Variants in LRRK2 observed in about 807,000 individuals in gnomAD.
LRRK2 encodes leucine-rich repeat serine/threonine-protein kinase 2.
A neutral mutation model predicts 302.6 loss-of-function variants in LRRK2; 203 were observed. The observed-to-expected ratio is 0.67, with a 90% CI of 0.60 to 0.75. The LOEUF is 0.75. Among genes scored for constraint, LRRK2 ranks in the 30% least tolerant of loss-of-function variants. The probability of loss-of-function intolerance (pLI) is 0.00; values close to 1 mark genes in which losing one functional copy is unlikely to be tolerated. For missense variants in LRRK2, 2,830 were observed against 2,951.0 expected (o/e 0.96, Z 0.95); for synonymous variants, 1,066 against 1,031.9 (o/e 1.03, Z -0.63).
At chr12:40,296,020 C>T (rs1944373318) in intron 23 of LRRK2, among the ~76,000 whole-genome samples, 1 of 152,176 alleles carries the variant, frequency 6.6e-6, no homozygotes, top group Non-Finnish European at 1.5e-5. Flanking sequence ...GACTCAGCTA[C>T]CAACTGTGTG....
chr12:40,236,235 A>C (rs958182378), intron 4 of LRRK2, among the ~76,000 whole-genome samples: 1 of 152,186 alleles, frequency 6.6e-6, no homozygotes, highest in Non-Finnish European at 1.5e-5. Flanking sequence ...TATTTGCTAG[A>C]TGCCAGGCTT....
At chr12:40,234,503 C>A (rs777532631) in intron 3 of LRRK2, among the ~76,000 whole-genome samples, 3 of 149,438 alleles carry the variant, frequency 2.0e-5, no homozygotes, top group African/African-American at 7.4e-5. Context: ...CTCAGCCTCT[C>A]GAGTAGCTGG....
chr12:40,232,436 A>C, intron 3 of LRRK2, 53 bp downstream of exon 3: 1 of 1,229,024 alleles, frequency 8.1e-7, no homozygotes, highest in Non-Finnish European at 1.2e-6. Context: ...ATTTGTACAC[A>C]TGACAACCTT....
At chr12:40,301,679 C>A (rs1944631962) in intron 25 of LRRK2, among the ~76,000 whole-genome samples, 1 of 152,138 alleles carries the variant, frequency 6.6e-6, no homozygotes, top group Non-Finnish European at 1.5e-5. Context: ...ATATTTTTAA[C>A]CTTGAAAATG....
Position 40,257,506 on chromosome 12 carries a change from T to C in LRRK2, c.1418+129T>C, listed in dbSNP as rs76603654. On this transcript the variant is annotated intron_variant, in intron 12 of 50. Transcript: ENST00000298910. ...AAGACACTTGAAAACTGAAGCATTT[T>C]GCAATGTAATCTCGTGTCACTAGTA... 3,739 of 1,094,734 alleles carry C rather than the reference T, an allele frequency of 3.4e-3. 80 individuals are homozygous for C. The African/African-American group carries it at 0.047, about 14-fold the overall frequency. 67.8% of individuals were successfully genotyped at this position (1,094,734 alleles called of 1,614,324 possible).
At chr12:40,256,771 C>T (rs1408138076) in intron 11 of LRRK2, among the ~76,000 whole-genome samples, 2 of 152,200 alleles carry the variant, frequency 1.3e-5, no homozygotes, top group African/African-American at 2.4e-5. Context: ...AGTGAATGGT[C>T]GATACCTCCA....
chr12:40,340,555 C>A, intron 41 of LRRK2, 101 bp downstream of exon 41: 1 of 1,160,344 alleles, frequency 8.6e-7, no homozygotes, highest in Non-Finnish European at 1.3e-6. Flanking sequence ...GAGTCTATCA[C>A]ATTGTGAACA....
chr12:40,260,280 T>A (rs920024839), intron 13 of LRRK2, among the ~76,000 whole-genome samples: 1 of 151,940 alleles, frequency 6.6e-6, no homozygotes, highest in African/African-American at 2.4e-5. Context: ...TGTAAATAGA[T>A]AATTAACAGG....
At chr12:40,305,691 A>G in intron 27 of LRRK2, 94 bp from the exon 28 acceptor site, 2 of 1,084,400 alleles carry the variant, frequency 1.8e-6, no homozygotes, top group South Asian at 2.5e-5. Flanking sequence ...TGCTGATGGA[A>G]TCTGTGAGCC....
rs747772018 is a variant in LRRK2 at position 40,346,720 on chromosome 12, G to A, written c.6110-33G>A. 4 of 1,606,580 alleles carry A rather than the reference G, an allele frequency of 2.5e-6. No individual in the cohort carries two copies. In the South Asian group the frequency reaches 4.4e-5, roughly 18 times the overall value. On this transcript the variant is annotated intron_variant, in intron 41 of 50. Transcript: ENST00000298910. ...CTTGGATGTATGAGCCCTGATGTTG[G>A]TCATATTTATTATTTTATCTGCTTA...
rs1220455167 is a variant in LRRK2 at position 40,302,843 on chromosome 12, A to G, written c.3551A>G (p.Lys1184Arg). 6 of 1,611,214 alleles carry G rather than the reference A, an allele frequency of 3.7e-6. No homozygotes were observed. Among genetic ancestry groups the G allele is most frequent in the African/African-American group, 1.3e-5 (1 of 74,820 alleles). The change falls in exon 26 of 51, where the codon AAA (lysine) becomes AGA (arginine). Residue 1184 changes from lysine (K) to arginine (R), a missense_variant. Around this residue, in one of 3 missense-constraint regions of LRRK2, gnomAD observed 2,121 missense variants for 2,148.0 expected, o/e 0.99. Transcript: ENST00000298910. Reference sequence around the variant, plus strand: ...ACAATCCTAAAATTATCTCAGAACAAATTTTCCTGTATTCCAGAAGCAATT... The same window carrying G: ...ACAATCCTAAAATTATCTCAGAACAGATTTTCCTGTATTCCAGAAGCAATT... ...SMTILKLSQN[K>R]FSCIPEAILN...
chr12:40,251,072 C>T lies in LRRK2; in HGVS notation c.959-160C>T, dbSNP rs7134379. ...TGGATAGGATGGTAGCATTATGAGACGTATAATATATTAAAAATTATCTTT... is the reference window on the plus strand; with the variant it reads ...TGGATAGGATGGTAGCATTATGAGATGTATAATATATTAAAAATTATCTTT... On this transcript the variant is annotated intron_variant, in intron 8 of 50. Coordinates refer to ENST00000298910, the MANE Select transcript of LRRK2 (RefSeq NM_198578.4). 0.22 allele frequency among the ~76,000 whole-genome samples: 33,397 copies of T among 150,244 alleles called. 4,522 individuals are homozygous for T. Among genetic ancestry groups the T allele is most frequent in the Middle Eastern group, 0.36 (106 of 292 alleles).
chr12:40,308,479 G>A lies in LRRK2; in HGVS notation c.3972G>A (p.Gln1324=), dbSNP rs1944913108. The A allele has an allele frequency of 6.2e-7, 1 of 1,613,290 alleles. No individual in the cohort carries two copies. The highest frequency in any genetic ancestry group is 1.7e-5 in the Admixed American group (1 of 59,956). ...TTTCAAATACTAGGTTTCTTCAACAGCGATTAAAAAAGGCTGTGCCTTATA... is the reference window on the plus strand; with the variant it reads ...TTTCAAATACTAGGTTTCTTCAACAACGATTAAAAAAGGCTGTGCCTTATA... ...KAKDIIRFLQ[Q]RLKKAVPYNR... The change falls in exon 29 of 51, where the codon CAG becomes CAA. Residue 1324 remains glutamine, a synonymous_variant. Transcript: ENST00000298910.
chr12:40,306,431 C>T (rs1293666432), intron 28 of LRRK2, among the ~76,000 whole-genome samples: 1 of 152,116 alleles, frequency 6.6e-6, no homozygotes, highest in African/African-American at 2.4e-5. Context: ...AATCTACTCA[C>T]CTTGATCAGT....
chr12:40,301,006 A>G (rs1217641238), intron 25 of LRRK2: 1 of 467,292 alleles, frequency 2.1e-6, no homozygotes, highest in South Asian at 1.5e-5. Flanking sequence ...TAGGACAGGT[A>G]TGACCTCTGC....
At chr12:40,362,112 A>G (rs1048435591) in intron 47 of LRRK2, among the ~76,000 whole-genome samples, 1 of 152,076 alleles carries the variant, frequency 6.6e-6, no homozygotes, top group East Asian at 1.9e-4. Context: ...TAACACACAA[A>G]AGTATTTTAT....
intron 23 of LRRK2, 121 bp downstream of exon 23, chr12:40,295,765 C>A (rs1186506482): frequency 2.2e-6 from 2 of 907,288 alleles, no homozygotes; most frequent in East Asian, 2.6e-5. Context: ...GGTGATAAGT[C>A]CCCCGTGCCT....
rs148706646 is a variant in LRRK2 at position 40,276,548 on chromosome 12, G to A, written c.1942-1340G>A. Reference sequence around the variant, plus strand: ...TGACCTCAAGTGATTCACTCACCTCGGACTCCCAAAGTGTTGGGATTACAG... The same window carrying A: ...TGACCTCAAGTGATTCACTCACCTCAGACTCCCAAAGTGTTGGGATTACAG... On this transcript the variant is annotated intron_variant, in intron 16 of 50. Coordinates refer to ENST00000298910, the MANE Select transcript of LRRK2 (RefSeq NM_198578.4). Among the ~76,000 whole-genome samples, 840 of 152,206 alleles carry A rather than the reference G, an allele frequency of 5.5e-3. 9 individuals carry two copies. The highest frequency in any genetic ancestry group is 0.018 in the African/African-American group (730 of 41,534).
At chr12:40,366,472 G>A (rs1403197238) in intron 49 of LRRK2, 1 of 154,834 alleles carries the variant, frequency 6.5e-6, no homozygotes, top group Non-Finnish European at 1.4e-5. Context: ...TTGGGTTAGT[G>A]TGTTTTTGTT....
Sources: gnomAD v4.1 joint callset for allele counts (sites outside exome capture counted in the v4.1 genomes callset) on GRCh38, gnomAD v4.1.1 for gene constraint, gnomAD v4.1.1 regional missense constraint, MANE v1.5 for transcripts, NCBI Gene and HGNC (gene_info 2026-07-23, HGNC 2026-07-21) for gene names.